The following POLR2F variants were observed in gnomAD, a reference collection of about 807,000 sequenced individuals.
POLR2F encodes RNA polymerase II, I and III subunit F.
Under a neutral mutation model 22.7 loss-of-function variants are expected in POLR2F, and 12 were observed. The observed-to-expected ratio is 0.53, with a 90% confidence interval of 0.34 to 0.86. The LOEUF (loss-of-function observed/expected upper bound fraction) is 0.86. POLR2F is among the 40% of genes least tolerant of loss of function. The probability of loss-of-function intolerance (pLI) is 0.02; values close to 1 mark genes in which losing one functional copy is unlikely to be tolerated. For missense variants in POLR2F, 126 were observed against 171.5 expected (o/e 0.73, Z 1.48); for synonymous variants, 57 against 66.0 (o/e 0.86, Z 0.66).
chr22:37,972,393 T>G (rs1265476371), downstream of POLR2F: 6 of 418,454 alleles, frequency 1.4e-5, no homozygotes, highest in Non-Finnish European at 2.8e-5. Context: ...AGGGGACTAC[T>G]GAGATAAATA....
intron 1 of POLR2F, among the ~76,000 whole-genome samples, chr22:38,003,052 A>C (rs1240297002): frequency 6.6e-6 from 1 of 151,924 alleles, no homozygotes; most frequent in Non-Finnish European, 1.5e-5. Context: ...GTAAAGGGAG[A>C]TGTGTGAGCA....
chr22:37,959,795 C>G (rs937911061), intron 3 of POLR2F, among the ~76,000 whole-genome samples: 1 of 149,588 alleles, frequency 6.7e-6, no homozygotes, highest in East Asian at 1.9e-4. Context: ...CCAATGTGTA[C>G]CAGTGTAGTT....
chr22:37,966,685 A>T (rs1025376392), intron 3 of POLR2F, among the ~76,000 whole-genome samples: 8 of 151,986 alleles, frequency 5.3e-5, no homozygotes, highest in Non-Finnish European at 7.4e-5. Flanking sequence ...GAATTGCTTG[A>T]GCCTGGGAGG....
intron 5 of POLR2F, chr22:38,041,046 T>G (rs2085167228): frequency 6.2e-7 from 1 of 1,612,878 alleles, no homozygotes. Flanking sequence ...GGCACCGTAG[T>G]TATCCCTGTG....
chr22:38,011,188 A>G (rs1274247855), intron 1 of POLR2F, among the ~76,000 whole-genome samples: 1 of 152,044 alleles, frequency 6.6e-6, no homozygotes, highest in Non-Finnish European at 1.5e-5. Flanking sequence ...TACAGCCTCC[A>G]TCTCCCAGGC....
At chr22:37,971,493 G>A (rs979062209), downstream of POLR2F, among the ~76,000 whole-genome samples, 1 of 152,194 alleles carries the variant, frequency 6.6e-6, no homozygotes, top group Non-Finnish European at 1.5e-5. Flanking sequence ...GTGCTTGTGA[G>A]GTGGAGTGGT....
At chr22:37,961,608 G>C (rs184370331) in intron 3 of POLR2F, among the ~76,000 whole-genome samples, 1 of 152,312 alleles carries the variant, frequency 6.6e-6, no homozygotes, top group African/African-American at 2.4e-5. Flanking sequence ...CAGGCCTTCA[G>C]ATGCCTGCTA....
Position 38,025,665 on chromosome 22 carries a change from G to A in POLR2F, c.121-204G>A, listed in dbSNP as rs377259809. On this transcript the variant is annotated intron_variant, in intron 1 of 2. Coordinates refer to the POLR2F transcript ENST00000333418. The stretch of plus-strand genomic sequence containing the variant: ...GGCTCTTTCAGCATCTCCTCCCGCT[G>A]ACTTCTCCCGACAGTCCTGCTGGGT... 3.2e-6 allele frequency: 5 copies of A among 1,557,594 alleles called. No individual in the cohort carries two copies. In the East Asian group the frequency reaches 1.1e-4, roughly 35 times the overall value.
intron 5 of POLR2F, chr22:38,040,965 G>C: frequency 1.9e-6 from 3 of 1,571,886 alleles, no homozygotes; most frequent in Non-Finnish European, 2.6e-6. Flanking sequence ...GATGACAACA[G>C]TGACGTTGAT....
upstream of POLR2F, among the ~76,000 whole-genome samples, chr22:37,984,690 G>T (rs1932519071): frequency 6.6e-6 from 1 of 152,160 alleles, no homozygotes; most frequent in African/African-American, 2.4e-5. This position sits in a 1 kb window ranked among gnomAD's most constrained non-coding sequence, Gnocchi z 4.4. Context: ...TCCACCCGGA[G>T]CCCAGGCCCC....
At chr22:37,989,417 A>G (rs1262855932) in intron 1 of POLR2F, among the ~76,000 whole-genome samples, 1 of 152,208 alleles carries the variant, frequency 6.6e-6, no homozygotes, top group African/African-American at 2.4e-5. Context: ...CCGAGCAGCC[A>G]CCACGGCCTC....
intron 5 of POLR2F, among the ~76,000 whole-genome samples, chr22:38,036,359 A>T (rs903076431): frequency 1.7e-4 from 26 of 151,754 alleles, no homozygotes; most frequent in African/African-American, 5.6e-4. Flanking sequence ...GAGTCCTTTG[A>T]GAAGCTTTAA....
chr22:37,960,570 T>C (rs1383034041), intron 3 of POLR2F, among the ~76,000 whole-genome samples: 1 of 151,998 alleles, frequency 6.6e-6, no homozygotes, highest in Admixed American at 6.6e-5. Context: ...GCTAGCTTTT[T>C]GTATTTTTAG....
intron 1 of POLR2F, among the ~76,000 whole-genome samples, chr22:37,991,307 C>T (rs1014163834): frequency 3.3e-5 from 5 of 151,694 alleles, no homozygotes; most frequent in African/African-American, 7.3e-5. Context: ...TTAGTAGAGA[C>T]GGGGTTTCAC....
chr22:38,029,151 CT>C (rs2085042553), downstream of POLR2F, among the ~76,000 whole-genome samples: 3 of 152,152 alleles, frequency 2.0e-5, no homozygotes, highest in African/African-American at 7.2e-5. Context: ...CACTGGAAGG[CT>C]TGCAGCTTAG....
At chr22:37,983,724 G>T (rs1161833735), upstream of POLR2F, 1 of 1,491,498 alleles carries the variant, frequency 6.7e-7, no homozygotes, top group East Asian at 2.6e-5. This position sits in a 1 kb window ranked among gnomAD's most constrained non-coding sequence, Gnocchi z 9.5. Context: ...GACAGGCAGC[G>T]GGGCTCCTCC....
At chr22:37,966,917 G>T (rs1041878607) in intron 3 of POLR2F, among the ~76,000 whole-genome samples, 182 bp from the exon 4 acceptor site, 1 of 152,198 alleles carries the variant, frequency 6.6e-6, no homozygotes, top group African/African-American at 2.4e-5. Flanking sequence ...TCCGGAGTCT[G>T]TGATAGGCCT....
In POLR2F at chr22:38,016,531, G is replaced by A. The variant is rs935945557; in HGVS notation, c.121-9338G>A. ...TCATAAATCAGAGGGGCTTAGGGGC[G>A]AGGGGGCTGCTTGGCAGGACTTGGT... On this transcript the variant is annotated intron_variant, in intron 1 of 2. Transcript: ENST00000333418. The surrounding 1 kb of genome is among the most constrained non-coding windows in gnomAD (Gnocchi z 4.4). Among the ~76,000 whole-genome samples, 3 of 152,242 alleles carry A rather than the reference G, an allele frequency of 2.0e-5. No individual in the cohort carries two copies. The highest frequency in any genetic ancestry group is 6.5e-5 in the Admixed American group (1 of 15,286).
chr22:37,994,142 A>G (rs370750390), intron 1 of POLR2F, among the ~76,000 whole-genome samples: 5 of 152,022 alleles, frequency 3.3e-5, no homozygotes, highest in African/African-American at 4.8e-5. Context: ...GCCCGGGAAA[A>G]CCTCTTCCCT....
Sources: allele counts gnomAD v4.1 joint callset (sites outside exome capture counted in the v4.1 genomes callset), GRCh38; gene constraint gnomAD v4.1.1; non-coding constraint Gnocchi (gnomAD v3.1); transcripts MANE v1.5; gene names NCBI Gene and HGNC (gene_info 2026-07-23, HGNC 2026-07-21).